Variants in HDAC5 observed in about 807,000 individuals in gnomAD.
HDAC5 encodes the protein histone deacetylase 5.
Under a neutral mutation model 133.3 loss-of-function variants are expected in HDAC5, and 25 were observed. That is an observed-to-expected ratio of 0.19 (90% CI 0.14 to 0.26). The LOEUF is 0.26. Ranked by LOEUF, HDAC5 falls within the 10% of genes least tolerant of loss-of-function variation. The probability of loss-of-function intolerance (pLI) is 1.00; values close to 1 mark genes in which losing one functional copy is unlikely to be tolerated. For synonymous variants in HDAC5, 589 were observed against 610.8 expected (o/e 0.96, Z 0.53); for missense variants, 1,041 against 1,460.5 (o/e 0.71, Z 4.68).
rs779287254 is a variant in HDAC5 at position 44,093,572 on chromosome 17, C to A, written c.354+3G>T. 9 of 1,602,844 alleles carry A rather than the reference C, an allele frequency of 5.6e-6. No homozygotes were observed. The highest frequency in any genetic ancestry group is 1.7e-4 in the Middle Eastern group (1 of 6,014). On this transcript the variant is annotated splice_donor_region_variant and intron_variant, in intron 4 of 26. Coordinates refer to ENST00000682912, the MANE Select transcript of HDAC5 (RefSeq NM_005474.5). ...GGCGGCCCCCCGCACCCCCCTCGCT[C>A]ACCTTGAGGTGCTTCTGCAGCTGGA...
intron 13 of HDAC5, 161 bp from the exon 14 acceptor site, chr17:44,086,898 A>G (rs760381458): frequency 2.7e-6 from 1 of 365,062 alleles, no homozygotes; most frequent in African/African-American, 2.2e-5. Context: ...CAGGAGACAC[A>G]TCTCCTCTGA....
chr17:44,091,790 G>A lies in HDAC5; in HGVS notation c.1074C>T (p.Pro358=). Residue 358 remains proline (P), a synonymous_variant, in exon 10 of 27, where the codon CCC becomes CCT. Coordinates refer to ENST00000682912, the MANE Select transcript of HDAC5 (RefSeq NM_005474.5). The part of the protein sequence containing the change: ...QHRALPLDSS[P]NQFSLYTSPS... ...GAGACGTGTAGAGGCTGAACTGGTT[G>A]GGGGAGCTGTCCAGAGGGAGGGCTC... The A allele has an allele frequency of 6.3e-7, 1 of 1,599,802 alleles. No individual in the cohort carries two copies. Among genetic ancestry groups the A allele is most frequent in the Non-Finnish European group, 8.5e-7 (1 of 1,173,100 alleles).
rs774177423 is a variant in HDAC5, at chr17:44,078,589, G to A, written c.3240C>T (p.Thr1080=). Residue 1080 remains threonine, a synonymous_variant, in exon 26 of 27, where the codon ACC becomes ACT. Coordinates refer to ENST00000682912, the MANE Select transcript of HDAC5 (RefSeq NM_005474.5). The part of the protein sequence containing the change: ...RSLREAQAGE[T]EEAETVSAMA... The stretch of plus-strand genomic sequence containing the variant: ...TGGCGCTCACAGTCTCGGCCTCCTC[G>A]GTCTCACCTGCTTGGGCCTCTCGCA... 8.7e-6 allele frequency: 14 copies of A among 1,609,670 alleles called. No individual in the cohort carries two copies. The highest frequency in any genetic ancestry group is 1.1e-5 in the South Asian group (1 of 91,072).
rs778736380 is a variant in HDAC5 at position 44,082,704 on chromosome 17, C to G, written c.2520-32G>C. ...AGGGGAGAAAAGGGCAGGAGGTCAG[C>G]CTCAGCATGACGTTTGCAAGAGACA... On this transcript the variant is annotated intron_variant, in intron 19 of 26. Coordinates refer to ENST00000682912, the MANE Select transcript of HDAC5 (RefSeq NM_005474.5). 44 of 1,611,484 alleles carry G rather than the reference C, an allele frequency of 2.7e-5. 1 individual carries two copies. The highest frequency in any genetic ancestry group is 2.8e-5 in the Non-Finnish European group (33 of 1,178,116).
chr17:44,123,449 C>T, intron 1 of HDAC5, 55 bp downstream of exon 1: 1 of 363,620 alleles, frequency 2.8e-6, no homozygotes. Flanking sequence ...GGGGGCGCCG[C>T]CTCGCGTCCC....
In HDAC5 at chr17:44,088,527, G is replaced by A. The variant is rs905509352; in HGVS notation, c.1459C>T (p.Leu487Phe). The A allele has an allele frequency of 5.0e-5, 80 of 1,613,346 alleles. No individual in the cohort carries two copies. The highest frequency in any genetic ancestry group is 6.7e-5 in the Non-Finnish European group (79 of 1,179,976). ...CGGCTCAGGGGCCGATGCCGCGGGA[G>A]CTTGCCTACCGTCCGCATGCTGGTG... ...VATSMRTVGK[L>F]PRHRPLSRTQ... Residue 487 changes from leucine to phenylalanine, a missense_variant, in exon 12 of 27, where the codon CTC becomes TTC. Around this residue, in one of 9 missense-constraint regions of HDAC5, gnomAD observed 433 missense variants for 531.6 expected, o/e 0.81. Transcript: ENST00000682912.
chr17:44,080,969 C>T, intron 20 of HDAC5, 87 bp from the exon 21 acceptor site: 1 of 1,566,026 alleles, frequency 6.4e-7, no homozygotes, highest in African/African-American at 1.4e-5. Flanking sequence ...CACTGTAGCT[C>T]ATGCCTGTAA....
chr17:44,107,203 C>T (rs2052011059), intron 3 of HDAC5, among the ~76,000 whole-genome samples: 1 of 152,194 alleles, frequency 6.6e-6, no homozygotes, highest in Non-Finnish European at 1.5e-5. Flanking sequence ...CTTCCTCCCT[C>T]AGGCTTCCAA....
In HDAC5 at chr17:44,102,199, C is replaced by T. The variant is rs1020171064; in HGVS notation, c.95-8365G>A. Among the ~76,000 whole-genome samples, 10 of 152,326 alleles carry T rather than the reference C, an allele frequency of 6.6e-5. No homozygotes were observed. The East Asian group carries it at 1.3e-3, about 21-fold the overall frequency. On this transcript the variant is annotated intron_variant, in intron 3 of 26. Transcript: ENST00000682912. ...GCTGACATCTAGCCCAAGCTCCAATCGCCAGGCCATGCACACTGGCATGAG... is the reference window on the plus strand; with the variant it reads ...GCTGACATCTAGCCCAAGCTCCAATTGCCAGGCCATGCACACTGGCATGAG...
intron 2 of HDAC5, among the ~76,000 whole-genome samples, chr17:44,113,340 G>C (rs922805711): frequency 6.6e-6 from 1 of 152,102 alleles, no homozygotes; most frequent in African/African-American, 2.4e-5. Flanking sequence ...CGGGAGCTGG[G>C]GAGCCAGCTC....
intron 3 of HDAC5, among the ~76,000 whole-genome samples, chr17:44,097,607 G>C (rs769150470): frequency 3.0e-4 from 46 of 152,264 alleles, no homozygotes; most frequent in Admixed American, 6.5e-4. Flanking sequence ...GCTGGCCGGA[G>C]GGTTATCTGT....
At chr17:44,082,743 G>A (rs2050456082) in intron 19 of HDAC5, 22 bp downstream of exon 19, 2 of 1,597,730 alleles carry the variant, frequency 1.3e-6, no homozygotes, top group African/African-American at 1.3e-5. Flanking sequence ...AGGGGCGAGG[G>A]CAGAGAATCT....
At chr17:44,108,155 C>T (rs953270113) in intron 3 of HDAC5, among the ~76,000 whole-genome samples, 2 of 152,162 alleles carry the variant, frequency 1.3e-5, no homozygotes, top group Admixed American at 6.5e-5. Flanking sequence ...GACCTCTGAT[C>T]GCTAAGAGCA....
intron 18 of HDAC5, 37 bp from the exon 19 acceptor site, chr17:44,082,857 A>G (rs1346943275): frequency 1.3e-6 from 2 of 1,542,208 alleles, no homozygotes; most frequent in South Asian, 2.4e-5. Flanking sequence ...GGCAAGATCC[A>G]GGCAGGAAGG....
intron 3 of HDAC5, among the ~76,000 whole-genome samples, chr17:44,106,456 T>G: frequency 6.6e-6 from 1 of 152,176 alleles, no homozygotes; most frequent in Non-Finnish European, 1.5e-5. Context: ...GGTGGCATAT[T>G]GCACATGGGC....
chr17:44,114,757 G>C (rs2052553927), intron 2 of HDAC5, among the ~76,000 whole-genome samples: 1 of 152,210 alleles, frequency 6.6e-6, no homozygotes, highest in South Asian at 2.1e-4. Context: ...CAGCCTTTCA[G>C]CCCCACTGAG....
chr17:44,099,060 G>A (rs941325075), intron 3 of HDAC5, among the ~76,000 whole-genome samples: 8 of 152,172 alleles, frequency 5.3e-5, no homozygotes, highest in Admixed American at 3.3e-4. Flanking sequence ...AGGTTGCAGT[G>A]AGCCAAGATC....
At chr17:44,115,445 C>T (rs529897572) in intron 2 of HDAC5, among the ~76,000 whole-genome samples, 5 of 152,316 alleles carry the variant, frequency 3.3e-5, no homozygotes, top group Admixed American at 6.5e-5. Flanking sequence ...ACTTTACTTC[C>T]GCCGAGTTCC....
chr17:44,096,806 C>T (rs1452857563), intron 3 of HDAC5, among the ~76,000 whole-genome samples: 1 of 150,182 alleles, frequency 6.7e-6, no homozygotes, highest in African/African-American at 2.5e-5. Flanking sequence ...ACTGCAACCT[C>T]CGCCTCCTGG....
Sources: allele counts gnomAD v4.1 joint callset (sites outside exome capture counted in the v4.1 genomes callset), GRCh38; gene constraint gnomAD v4.1.1; regional missense constraint gnomAD v4.1.1; transcripts MANE v1.5; gene names NCBI Gene and HGNC (gene_info 2026-07-23, HGNC 2026-07-21).